The following MYO3B variants were observed in gnomAD, a reference collection of about 807,000 sequenced individuals.
The protein encoded by MYO3B is myosin IIIB.
MYO3B carries 156 observed loss-of-function variants against 174.6 expected under a neutral mutation model. The ratio of observed to expected loss-of-function variants is 0.89; its 90% CI spans 0.78 to 1.02. The LOEUF (loss-of-function observed/expected upper bound fraction) is 1.02, where lower values mean the gene tolerates loss of function less well. MYO3B is among the 50% of genes least tolerant of loss of function. The pLI is 0.00. For synonymous variants in MYO3B, 563 were observed against 569.1 expected, an observed-to-expected ratio of 0.99 and a Z score of 0.15; for missense variants, 1,632 against 1,639.4, an observed-to-expected ratio of 1.00 and a Z score of 0.08.
chr2:170,598,452 G>T (rs1389989859), intron 32 of MYO3B, among the ~76,000 whole-genome samples: 1 of 152,224 alleles, frequency 6.6e-6, no homozygotes, highest in Non-Finnish European at 1.5e-5. Context: ...AGGCCGAAAA[G>T]ATCATTTATT....
chr2:170,209,852 A>C (rs1482310469), intron 3 of MYO3B, among the ~76,000 whole-genome samples: 2 of 152,216 alleles, frequency 1.3e-5, no homozygotes, highest in Non-Finnish European at 2.9e-5. Flanking sequence ...TCAAAATATA[A>C]CCTAAATAAT....
At chr2:170,627,043 C>G (rs921556331) in intron 32 of MYO3B, among the ~76,000 whole-genome samples, 80 of 151,372 alleles carry the variant, frequency 5.3e-4, no homozygotes, top group Middle Eastern at 3.4e-3. Flanking sequence ...TGCTCTTCTC[C>G]AGGAGTATCT....
chr2:170,548,661 A>G (rs1690693369), intron 32 of MYO3B, among the ~76,000 whole-genome samples: 1 of 152,224 alleles, frequency 6.6e-6, no homozygotes, highest in African/African-American at 2.4e-5. Context: ...AAACTCTCTC[A>G]AACCTAAAAT....
intron 7 of MYO3B, among the ~76,000 whole-genome samples, chr2:170,287,316 A>G (rs1381383762): frequency 1.3e-5 from 2 of 151,964 alleles, no homozygotes; most frequent in Non-Finnish European, 2.9e-5. Flanking sequence ...TGGTCTCCAT[A>G]GTGGCTGTAC....
At chr2:170,179,253 C>T (rs1041530143) in intron 1 of MYO3B, among the ~76,000 whole-genome samples, 2 of 152,100 alleles carry the variant, frequency 1.3e-5, no homozygotes, top group Admixed American at 6.5e-5. Context: ...ATCAGTGGAA[C>T]CATAAAGGTC....
intron 22 of MYO3B, among the ~76,000 whole-genome samples, chr2:170,435,059 G>A (rs916777450): frequency 2.6e-5 from 4 of 152,240 alleles, no homozygotes; most frequent in African/African-American, 9.6e-5. Flanking sequence ...ATTGGAACAT[G>A]TTAATTACTG....
chr2:170,513,130 G>A (rs1327413783), intron 28 of MYO3B, among the ~76,000 whole-genome samples: 1 of 152,148 alleles, frequency 6.6e-6, no homozygotes, highest in African/African-American at 2.4e-5. Flanking sequence ...CTACCGTTCA[G>A]CTTGATCTTG....
At chr2:170,228,961 A>C (rs13029260) in intron 6 of MYO3B, among the ~76,000 whole-genome samples, 1 of 33,732 alleles carries the variant, frequency 3.0e-5, no homozygotes, top group African/African-American at 3.8e-4. Context: ...TTCCCTTTAC[A>C]AAAAAAAAAA....
At chr2:170,411,639 A>G (rs921387957) in intron 22 of MYO3B, 4 of 152,232 alleles carry the variant, frequency 2.6e-5, no homozygotes, top group Non-Finnish European at 5.9e-5. Context: ...CTCGGTGTGT[A>G]TATGTGCAAT....
At chr2:170,568,150 A>T (rs1334514874) in intron 32 of MYO3B, among the ~76,000 whole-genome samples, 1 of 152,248 alleles carries the variant, frequency 6.6e-6, no homozygotes, top group Non-Finnish European at 1.5e-5. Context: ...TGACATGGCA[A>T]AGCCTGAAAA....
At chr2:170,580,809 A>G (rs1004071439) in intron 32 of MYO3B, among the ~76,000 whole-genome samples, 2 of 151,688 alleles carry the variant, frequency 1.3e-5, no homozygotes, top group African/African-American at 4.9e-5. Flanking sequence ...AATGCAGAAT[A>G]TATTTATCAC....
intron 22 of MYO3B, among the ~76,000 whole-genome samples, chr2:170,416,909 T>C (rs1198860966): frequency 6.8e-6 from 1 of 146,376 alleles, no homozygotes; most frequent in Non-Finnish European, 1.5e-5. Context: ...CACTGCAACC[T>C]CTGCCTCCCG....
intron 32 of MYO3B, among the ~76,000 whole-genome samples, chr2:170,610,901 A>G (rs1324163963): frequency 6.6e-6 from 1 of 152,196 alleles, no homozygotes; most frequent in African/African-American, 2.4e-5. Flanking sequence ...ATAATTCTCA[A>G]TACATGGACA....
intron 32 of MYO3B, among the ~76,000 whole-genome samples, chr2:170,576,146 G>T (rs1692768367): frequency 6.6e-6 from 1 of 152,158 alleles, no homozygotes; most frequent in Non-Finnish European, 1.5e-5. Flanking sequence ...AAGACAGAAA[G>T]GGGATGCAGC....
chr2:170,285,608 G>A (rs897055120), intron 7 of MYO3B, among the ~76,000 whole-genome samples: 6 of 151,978 alleles, frequency 3.9e-5, no homozygotes, highest in Non-Finnish European at 7.4e-5. Flanking sequence ...TAGGTAATCC[G>A]CCTCCCTTGT....
At chr2:170,459,689 G>A (rs1012188622) in intron 23 of MYO3B, among the ~76,000 whole-genome samples, 3 of 152,118 alleles carry the variant, frequency 2.0e-5, no homozygotes, top group East Asian at 3.9e-4. Flanking sequence ...GGTGGTGCCC[G>A]TCGAGGAGGC....
chr2:170,652,306 T>A, intron 34 of MYO3B, 152 bp downstream of exon 34: 1 of 684,740 alleles, frequency 1.5e-6, no homozygotes, highest in Non-Finnish European at 2.4e-6. Context: ...CTTTTCACAG[T>A]AGCAAGTATA....
intron 8 of MYO3B, chr2:170,344,259 G>T (rs1008109162): frequency 6.6e-6 from 1 of 152,254 alleles, no homozygotes; most frequent in Non-Finnish European, 1.5e-5. Context: ...CAAGGTCCAG[G>T]GTTCAAGACC....
chr2:170,306,027 CTGG>C (rs1175985881), intron 7 of MYO3B, among the ~76,000 whole-genome samples: 1 of 152,182 alleles, frequency 6.6e-6, no homozygotes, highest in African/African-American at 2.4e-5. Flanking sequence ...TGCTAATCTG[CTGG>C]TAACCAGTCC....
Sources: gnomAD v4.1 joint callset for allele counts (sites outside exome capture counted in the v4.1 genomes callset) on GRCh38, gnomAD v4.1.1 for gene constraint, MANE v1.5 for transcripts, NCBI Gene and HGNC (gene_info 2026-07-23, HGNC 2026-07-21) for gene names.